The following CDH13 variants were observed in gnomAD, a reference collection of about 807,000 sequenced individuals.
CDH13 encodes the protein cadherin-13.
CDH13 carries 24 observed loss-of-function variants against 63.8 expected under a neutral mutation model. The ratio of observed to expected loss-of-function variants is 0.38; its 90% CI spans 0.27 to 0.53. The LOEUF (loss-of-function observed/expected upper bound fraction) is 0.53. CDH13 is among the 20% of genes least tolerant of loss of function. The pLI, the probability that CDH13 is intolerant of heterozygous loss-of-function variation, is 0.85. For synonymous variants in CDH13, 503 were observed against 355.3 expected (o/e 1.42, Z -4.67); for missense variants, 1,049 against 903.1 (o/e 1.16, Z -2.07).
chr16:82,706,864 G>C (rs1259316170), intron 1 of CDH13, among the ~76,000 whole-genome samples: 1 of 152,144 alleles, frequency 6.6e-6, no homozygotes, highest in African/African-American at 2.4e-5. Flanking sequence ...AATGTTCTCA[G>C]TGAATTAGGT....
chr16:82,853,061 T>C (rs2039557633), intron 1 of CDH13, among the ~76,000 whole-genome samples: 1 of 152,182 alleles, frequency 6.6e-6, no homozygotes, highest in Non-Finnish European at 1.5e-5. Context: ...ATAAAGAGTG[T>C]GATTTAAGAA....
chr16:83,742,354 G>C (rs1386531557), intron 10 of CDH13, among the ~76,000 whole-genome samples: 1 of 152,156 alleles, frequency 6.6e-6, no homozygotes, highest in Non-Finnish European at 1.5e-5. Flanking sequence ...AGAAGAGGCC[G>C]AGGCTTGGCA....
chr16:82,976,749 C>G (rs1909567444), intron 2 of CDH13, among the ~76,000 whole-genome samples: 1 of 152,170 alleles, frequency 6.6e-6, no homozygotes, highest in Non-Finnish European at 1.5e-5. Flanking sequence ...CAGTGCTGAG[C>G]ACGAAAATGC....
At chr16:83,493,506 C>T (rs1346676540) in intron 7 of CDH13, among the ~76,000 whole-genome samples, 1 of 152,120 alleles carries the variant, frequency 6.6e-6, no homozygotes, top group African/African-American at 2.4e-5. Flanking sequence ...ATGTGCTGTT[C>T]AAACCGAACC....
chr16:83,088,018 A>T (rs2033700344), intron 3 of CDH13, among the ~76,000 whole-genome samples: 1 of 152,220 alleles, frequency 6.6e-6, no homozygotes, highest in Non-Finnish European at 1.5e-5. Flanking sequence ...TGGAAATGGT[A>T]CAAGTATTAG....
chr16:82,968,669 G>C (rs924004613), intron 2 of CDH13, among the ~76,000 whole-genome samples: 2 of 152,162 alleles, frequency 1.3e-5, no homozygotes, highest in African/African-American at 2.4e-5. Context: ...GCCCCACCCA[G>C]GCAGGATGAA....
At chr16:83,621,750 G>A (rs1241916885) in intron 8 of CDH13, among the ~76,000 whole-genome samples, 5 of 151,006 alleles carry the variant, frequency 3.3e-5, no homozygotes, top group African/African-American at 1.2e-4. Flanking sequence ...GCCTCCCAAA[G>A]TGCCGGTATT....
intron 5 of CDH13, among the ~76,000 whole-genome samples, chr16:83,270,872 T>G (rs2088782782): frequency 6.6e-6 from 1 of 151,808 alleles, no homozygotes; most frequent in Admixed American, 6.6e-5. Context: ...TCTTCTTTCC[T>G]GCCTTCCCTC....
intron 1 of CDH13, among the ~76,000 whole-genome samples, chr16:82,650,566 G>T (rs1910608998): frequency 6.6e-6 from 1 of 152,152 alleles, no homozygotes; most frequent in African/African-American, 2.4e-5. Flanking sequence ...TGGGCTCAGG[G>T]TTTGCTGGGC....
At chr16:83,424,611 A>G (rs2071829474) in intron 6 of CDH13, among the ~76,000 whole-genome samples, 1 of 152,190 alleles carries the variant, frequency 6.6e-6, no homozygotes, top group African/African-American at 2.4e-5. Context: ...AAGGGTCACT[A>G]AGCCCCCTCA....
At chr16:83,468,193 C>T (rs765472795) in intron 6 of CDH13, among the ~76,000 whole-genome samples, 3 of 152,132 alleles carry the variant, frequency 2.0e-5, no homozygotes, top group African/African-American at 7.2e-5. Flanking sequence ...ATTGAAGGGT[C>T]TGGGGATGAG....
rs570835847 is a variant in CDH13 at position 83,682,403 on chromosome 16, A to G, written c.1538+3942A>G. On this transcript the variant is annotated intron_variant, in intron 10 of 13. Transcript: ENST00000567109. Reference sequence around the variant, plus strand: ...TCGTTCATAAGTCGCATGTCTCTTTAGCATCTAAAATCTCCACCCAGGGCT... The same window carrying G: ...TCGTTCATAAGTCGCATGTCTCTTTGGCATCTAAAATCTCCACCCAGGGCT... 3.5e-4 allele frequency among the ~76,000 whole-genome samples: 53 copies of G among 152,256 alleles called. 1 individual carries two copies. Among genetic ancestry groups the G allele is most frequent in the African/African-American group, 1.2e-3 (51 of 41,546 alleles).
At chr16:83,357,652 A>G (rs771850305) in intron 6 of CDH13, among the ~76,000 whole-genome samples, 6 of 152,222 alleles carry the variant, frequency 3.9e-5, no homozygotes, top group Non-Finnish European at 7.3e-5. Flanking sequence ...GCCAAGGTCA[A>G]GGACTGGTAA....
At chr16:83,723,543 C>T (rs753731249) in intron 10 of CDH13, among the ~76,000 whole-genome samples, 1 of 152,194 alleles carries the variant, frequency 6.6e-6, no homozygotes, top group Non-Finnish European at 1.5e-5. Context: ...GTCTCACTAT[C>T]ATCTCCTTTG....
At position 83,678,189 on chromosome 16, in the gene CDH13, C is replaced by T. The variant is rs778270110; in HGVS notation, c.1285-19C>T. 1.2e-5 allele frequency: 20 copies of T among 1,600,208 alleles called. No individual in the cohort carries two copies. In the African/African-American group the frequency reaches 1.5e-4, roughly 12 times the overall value. On this transcript the variant is annotated intron_variant, in intron 9 of 13. Transcript: ENST00000567109. ...TTGTGGCTGGTGTGCATCCTGAGAC[C>T]CTTCTGTCTGCTTTCCAGCCATTGG...
chr16:82,721,588 C>T lies in CDH13; in HGVS notation c.45+94451C>T, dbSNP rs1051568715. On this transcript the variant is annotated intron_variant, in intron 1 of 13. Transcript: ENST00000567109. ...TAACAGCAAAGTCAAAGAAAGCAGT[C>T]GGCAAAGAGATTTGTAAGTTTGAAG... 7.2e-5 allele frequency among the ~76,000 whole-genome samples: 11 copies of T among 152,064 alleles called. No homozygotes were observed. The South Asian group carries it at 1.5e-3, about 20-fold the overall frequency.
chr16:83,330,750 G>C (rs1009113074), intron 5 of CDH13, among the ~76,000 whole-genome samples: 3 of 152,206 alleles, frequency 2.0e-5, no homozygotes, highest in Admixed American at 6.5e-5. Context: ...CATGACCTCA[G>C]CCCAAATCAC....
At chr16:83,550,385 C>T (rs2075468472) in intron 7 of CDH13, among the ~76,000 whole-genome samples, 2 of 152,236 alleles carry the variant, frequency 1.3e-5, no homozygotes, top group Admixed American at 1.3e-4. Context: ...CTTAATCCTC[C>T]TGTGAGGAGT....
chr16:83,047,765 A>T lies in CDH13; in HGVS notation c.366+15547A>T, dbSNP rs902016422. Among the ~76,000 whole-genome samples the T allele has an allele frequency of 1.3e-5, 2 of 152,224 alleles. No homozygotes were observed. The highest frequency in any genetic ancestry group is 2.4e-5 in the African/African-American group (1 of 41,460). ...GATATTAATAATGCAGATCGTAGTC[A>T]ATTTATTTAGCTCAAACGTTGTGCG... is the stretch of plus-strand genomic sequence containing the variant. On this transcript the variant is annotated intron_variant, in intron 3 of 13. Coordinates refer to ENST00000567109, the MANE Select transcript of CDH13 (RefSeq NM_001257.5). This position sits in a 1 kb window ranked among gnomAD's most constrained non-coding sequence, Gnocchi z 4.9.
Sources: gnomAD v4.1 joint callset for allele counts (sites outside exome capture counted in the v4.1 genomes callset) on GRCh38, gnomAD v4.1.1 for gene constraint, Gnocchi (gnomAD v3.1) non-coding constraint, MANE v1.5 for transcripts, NCBI Gene and HGNC (gene_info 2026-07-23, HGNC 2026-07-21) for gene names.